Variants in KCTD1 observed in about 807,000 individuals in gnomAD.
KCTD1 encodes the protein potassium channel tetramerization domain containing 1, also known as BTB/POZ domain-containing protein KCTD1.
KCTD1 carries 24 observed loss-of-function variants against 66.0 expected under a neutral mutation model. The ratio of observed to expected loss-of-function variants is 0.36; its 90% CI spans 0.26 to 0.51. KCTD1 has a LOEUF of 0.51. Among genes scored for constraint, KCTD1 ranks in the 20% least tolerant of loss-of-function variants. The pLI is 0.95. For synonymous variants in KCTD1, 511 were observed against 517.2 expected, an observed-to-expected ratio of 0.99 and a Z score of 0.16; for missense variants, 943 against 1,205.2, an observed-to-expected ratio of 0.78 and a Z score of 3.22.
At chr18:26,651,988 G>T (rs1047068241) in intron 1 of KCTD1, among the ~76,000 whole-genome samples, 3 of 152,040 alleles carry the variant, frequency 2.0e-5, no homozygotes, top group Admixed American at 1.3e-4. Context: ...AGGGAGATAG[G>T]TATTCCAGAC....
intron 3 of KCTD1, among the ~76,000 whole-genome samples, chr18:26,462,669 CCTGT>C (rs1980498693): frequency 6.6e-6 from 1 of 152,182 alleles, no homozygotes; most frequent in Non-Finnish European, 1.5e-5. Flanking sequence ...GTCTTTCTAT[CCTGT>C]CTAACACCCG....
chr18:26,513,932 AT>A (rs1983488927), intron 1 of KCTD1, among the ~76,000 whole-genome samples: 3 of 152,246 alleles, frequency 2.0e-5, no homozygotes, highest in Admixed American at 6.5e-5. Flanking sequence ...GATCGGGAAG[AT>A]TACATTTTAA....
chr18:26,510,260 G>C (rs150044141), intron 1 of KCTD1, among the ~76,000 whole-genome samples: 2 of 152,236 alleles, frequency 1.3e-5, no homozygotes, highest in African/African-American at 4.8e-5. Flanking sequence ...GTGTATGAAA[G>C]GAAGTAGAGA....
intron 2 of KCTD1, among the ~76,000 whole-genome samples, chr18:26,477,813 CATGTT>C (rs1036431918): frequency 2.0e-5 from 3 of 152,138 alleles, no homozygotes; most frequent in East Asian, 1.9e-4. Context: ...TTTAAAAACT[CATGTT>C]ACGTTACTCT....
chr18:26,550,707 C>T (rs1253398751), upstream of KCTD1, among the ~76,000 whole-genome samples: 2 of 152,226 alleles, frequency 1.3e-5, no homozygotes, highest in South Asian at 2.1e-4. This position sits in a 1 kb window ranked among gnomAD's most constrained non-coding sequence, Gnocchi z 5.4. Flanking sequence ...CACTGCCCGC[C>T]GCACCCGCCC....
At chr18:26,604,584 G>C (rs1055158763) in intron 1 of KCTD1, among the ~76,000 whole-genome samples, 3 of 152,200 alleles carry the variant, frequency 2.0e-5, no homozygotes, top group Non-Finnish European at 4.4e-5. Flanking sequence ...ATCATGTCTT[G>C]CAGGAACATA....
At chr18:26,528,440 C>T (rs899130471) in intron 1 of KCTD1, among the ~76,000 whole-genome samples, 6 of 152,174 alleles carry the variant, frequency 3.9e-5, no homozygotes, top group South Asian at 2.1e-4. Context: ...TCCTCAGGAT[C>T]CTGCCATGCC....
chr18:26,516,226 G>A (rs1983648857), intron 1 of KCTD1, among the ~76,000 whole-genome samples: 1 of 152,090 alleles, frequency 6.6e-6, no homozygotes, highest in Non-Finnish European at 1.5e-5. Context: ...TTGGGAAGGA[G>A]GGATCAGACT....
chr18:26,534,958 AG>A (rs764776825), intron 1 of KCTD1, among the ~76,000 whole-genome samples: 8 of 152,174 alleles, frequency 5.3e-5, no homozygotes, highest in Non-Finnish European at 8.8e-5. Flanking sequence ...CACCAGCAAA[AG>A]ACCTACATGT....
intron 1 of KCTD1, among the ~76,000 whole-genome samples, chr18:26,567,715 C>T (rs1986016644): frequency 6.6e-6 from 1 of 151,950 alleles, no homozygotes; most frequent in Non-Finnish European, 1.5e-5. Flanking sequence ...TCTCTAACTC[C>T]TAACTTCATG....
intron 1 of KCTD1, among the ~76,000 whole-genome samples, chr18:26,571,626 A>AT (rs1401109779): frequency 6.7e-6 from 1 of 149,748 alleles, no homozygotes; most frequent in Non-Finnish European, 1.5e-5. Flanking sequence ...TTGTATTATT[A>AT]TTTTTTATTT....
rs533074675 is a variant in KCTD1 at position 26,518,867 on chromosome 18, T to C, written c.1810-17617A>G. Among the ~76,000 whole-genome samples, 10 of 152,326 alleles carry C rather than the reference T, an allele frequency of 6.6e-5. No homozygotes were observed. In the East Asian group the frequency reaches 1.7e-3, roughly 26 times the overall value. On this transcript the variant is annotated intron_variant, in intron 1 of 4. Transcript: ENST00000580059. ...ATCCTTATCTCCTTATCCCCTCTGT[T>C]TTCCGGTGATTCTGAACTTACTGTG...
chr18:26,474,383 T>C (rs1288432088), intron 3 of KCTD1, among the ~76,000 whole-genome samples: 1 of 152,210 alleles, frequency 6.6e-6, no homozygotes, highest in Non-Finnish European at 1.5e-5. Context: ...AGTATGTATA[T>C]TTGAAACTTT....
intron 4 of KCTD1, chr18:26,456,836 T>C (rs1228337774): frequency 6.6e-6 from 1 of 151,830 alleles, no homozygotes; most frequent in East Asian, 1.9e-4. Context: ...CCAACAAATA[T>C]TAGACTTGCA....
chr18:26,530,141 T>C (rs1984366609), intron 1 of KCTD1, among the ~76,000 whole-genome samples: 1 of 152,212 alleles, frequency 6.6e-6, no homozygotes, highest in Non-Finnish European at 1.5e-5. Flanking sequence ...CAAAGCAGTA[T>C]GTCTAGAGTT....
At chr18:26,621,677 C>G (rs1987389194) in intron 1 of KCTD1, among the ~76,000 whole-genome samples, 1 of 152,164 alleles carries the variant, frequency 6.6e-6, no homozygotes. Context: ...TTGGTCTTTG[C>G]TAATGGTATT....
intron 1 of KCTD1, among the ~76,000 whole-genome samples, chr18:26,648,613 C>T (rs1022840372): frequency 5.3e-5 from 8 of 152,144 alleles, no homozygotes; most frequent in Non-Finnish European, 1.2e-4. Flanking sequence ...ATCATTCCCA[C>T]CTTTATAGTG....
In KCTD1 at chr18:26,547,463, G is replaced by A; in HGVS notation, c.1074C>T (p.Arg358=). 10 of 1,551,532 alleles carry A rather than the reference G, an allele frequency of 6.4e-6. No homozygotes were observed. The highest frequency in any genetic ancestry group is 8.7e-6 in the Non-Finnish European group (10 of 1,146,964). ...CGCGCTTCTTGCTCCACGACGACGA[G>A]CGCGACTTGTGGTAGGGCCCGAGGG... is the stretch of plus-strand genomic sequence containing the variant. ...FKSLGPYHKS[R]SSSWSKKRAE... The change falls in exon 1 of 5, where the codon CGC becomes CGT. Residue 358 remains arginine (R), a synonymous_variant. Coordinates refer to ENST00000580059, the MANE Select transcript of KCTD1 (RefSeq NM_001142730.3).
At chr18:26,563,635 T>C (rs1985913672) in intron 1 of KCTD1, among the ~76,000 whole-genome samples, 1 of 152,206 alleles carries the variant, frequency 6.6e-6, no homozygotes. Context: ...GGCGAGTGTA[T>C]GGGCTCTGGC....
Sources: gnomAD v4.1 joint callset for allele counts (sites outside exome capture counted in the v4.1 genomes callset) on GRCh38, gnomAD v4.1.1 for gene constraint, Gnocchi (gnomAD v3.1) non-coding constraint, MANE v1.5 for transcripts, NCBI Gene and HGNC (gene_info 2026-07-23, HGNC 2026-07-21) for gene names.